GLRA1: variants seen among roughly 807,000 people sequenced by gnomAD.
GLRA1 encodes glycine receptor subunit alpha-1.
A neutral mutation model predicts 48.3 loss-of-function variants in GLRA1; 37 were observed. The observed-to-expected ratio is 0.77, with a 90% CI of 0.59 to 1.01. The LOEUF (loss-of-function observed/expected upper bound fraction) is 1.01, where lower values mean the gene tolerates loss of function less well. GLRA1 is among the 50% of genes least tolerant of loss of function. GLRA1 has a pLI of 0.00. For missense variants in GLRA1, 427 were observed against 571.0 expected, an observed-to-expected ratio of 0.75 and a Z score of 2.57; for synonymous variants, 196 against 210.7, an observed-to-expected ratio of 0.93 and a Z score of 0.60.
At chr5:151,859,592 A>G (rs1481036156) in intron 4 of GLRA1, among the ~76,000 whole-genome samples, 193 bp downstream of exon 4, 1 of 152,214 alleles carries the variant, frequency 6.6e-6, no homozygotes, top group Non-Finnish European at 1.5e-5. Flanking sequence ...GCTCCTGAAT[A>G]AAATGCCCCA....
intron 8 of GLRA1, among the ~76,000 whole-genome samples, chr5:151,827,029 G>GTTTTTTTTTTTTTTTTTT (rs199505206): frequency 1.0e-4 from 13 of 126,768 alleles, no homozygotes; most frequent in African/African-American, 3.5e-4. Flanking sequence ...CTTTCTTTCT[G>GTTTTTTTTTTTTTTTTTT]TTTTTTTTTT....
chr5:151,857,495 A>C (rs140845826), intron 4 of GLRA1, among the ~76,000 whole-genome samples: 163 of 152,234 alleles, frequency 1.1e-3, no homozygotes, highest in Admixed American at 2.2e-3. Context: ...AGCAGCACCC[A>C]TGTGCACCTG....
At chr5:151,886,875 G>T in intron 2 of GLRA1, 87 bp from the exon 3 acceptor site, 2 of 960,714 alleles carry the variant, frequency 2.1e-6, no homozygotes, top group Non-Finnish European at 1.7e-6. Context: ...CTGACTTCTG[G>T]AATGGATCGC....
At position 151,924,559 on chromosome 5, in the gene GLRA1, C is replaced by A. The variant is rs779413449; in HGVS notation, c.-10G>T. 1.3e-6 allele frequency: 2 copies of A among 1,585,790 alleles called. No homozygotes were observed. The highest frequency in any genetic ancestry group is 1.7e-6 in the Non-Finnish European group (2 of 1,154,182). On this transcript the variant is annotated 5_prime_UTR_variant, in exon 1 of 9. Coordinates refer to ENST00000274576, the MANE Select transcript of GLRA1 (RefSeq NM_000171.4). ...TATTGAAGCTGTACATTTTTCAGGT[C>A]CTTGTGCTTTGTAGTCCACGAGTTA...
intron 3 of GLRA1, among the ~76,000 whole-genome samples, chr5:151,868,737 C>T (rs781033615): frequency 6.6e-6 from 1 of 152,152 alleles, no homozygotes; most frequent in Non-Finnish European, 1.5e-5. Context: ...AGCTTCTGCC[C>T]TAGATTTAGC....
At chr5:151,873,671 A>G (rs1303040596) in intron 3 of GLRA1, among the ~76,000 whole-genome samples, 3 of 151,958 alleles carry the variant, frequency 2.0e-5, no homozygotes, top group African/African-American at 7.3e-5. Context: ...GTCTCAAAAA[A>G]AAAAAAAAAA....
intron 3 of GLRA1, among the ~76,000 whole-genome samples, chr5:151,863,904 T>C (rs975707239): frequency 1.3e-5 from 2 of 152,130 alleles, no homozygotes; most frequent in Admixed American, 6.5e-5. Context: ...TTTTATAGGA[T>C]TGTTCTATAA....
intron 1 of GLRA1, among the ~76,000 whole-genome samples, chr5:151,910,457 C>T (rs1362922291): frequency 2.0e-5 from 3 of 152,112 alleles, no homozygotes; most frequent in Non-Finnish European, 4.4e-5. Flanking sequence ...AATTTTTCCC[C>T]ATAAGAGAAC....
intron 3 of GLRA1, among the ~76,000 whole-genome samples, chr5:151,876,957 CTT>C (rs1248677200): frequency 5.3e-5 from 8 of 152,106 alleles, no homozygotes; most frequent in Admixed American, 5.2e-4. Flanking sequence ...CTCTGTCTCT[CTT>C]TGCACAGAGA....
chr5:151,899,260 G>C lies in GLRA1; in HGVS notation c.57-6822C>G, dbSNP rs545345030. On this transcript the variant is annotated intron_variant, in intron 1 of 8. Coordinates refer to ENST00000274576, the MANE Select transcript of GLRA1 (RefSeq NM_000171.4). ...TAGGTGGCAAAATTGGACTGCTATG[G>C]TGGCTCAGTGGTGGAAGGCAGTATT... Among the ~76,000 whole-genome samples the C allele has an allele frequency of 3.3e-5, 5 of 152,322 alleles. No homozygotes were observed. The South Asian group carries it at 6.2e-4, about 19-fold the overall frequency.
At chr5:151,843,686 C>T (rs1056074541) in intron 7 of GLRA1, among the ~76,000 whole-genome samples, 3 of 152,180 alleles carry the variant, frequency 2.0e-5, no homozygotes, top group Non-Finnish European at 2.9e-5. Flanking sequence ...TCCAAAGCTA[C>T]AGTAATCAAA....
rs1554081981 is a variant in GLRA1 at position 151,822,981 on chromosome 5, T to C, written c.1060-18A>G. On this transcript the variant is annotated intron_variant, in intron 8 of 8. Transcript: ENST00000274576. ...TCATCCTCCTGGAATAGATTCAACA[T>C]GGGGCTCTACTTAAAATAAGACAGG... is the stretch of plus-strand genomic sequence containing the variant. The C allele has an allele frequency of 3.2e-6, 5 of 1,582,618 alleles. No homozygotes were observed. The highest frequency in any genetic ancestry group is 4.3e-6 in the Non-Finnish European group (5 of 1,163,572).
chr5:151,839,256 G>A (rs1282658096), intron 7 of GLRA1, among the ~76,000 whole-genome samples: 2 of 152,194 alleles, frequency 1.3e-5, no homozygotes, highest in East Asian at 3.8e-4. Context: ...CGCCCTTTAG[G>A]CTGAAATAAA....
intron 7 of GLRA1, among the ~76,000 whole-genome samples, chr5:151,849,411 C>CTTTCCTTTCA (rs1752820374): frequency 4.3e-5 from 1 of 23,404 alleles, no homozygotes; most frequent in African/African-American, 2.9e-4. Context: ...CTTTCCTTTC[C>CTTTCCTTTCA]TTTCCTTTCC....
intron 1 of GLRA1, among the ~76,000 whole-genome samples, chr5:151,900,152 G>C (rs1373386010): frequency 6.6e-6 from 1 of 152,144 alleles, no homozygotes; most frequent in African/African-American, 2.4e-5. Flanking sequence ...GGGCCACCTA[G>C]AGAAAGAAGA....
chr5:151,902,206 G>A (rs902928307), intron 1 of GLRA1, among the ~76,000 whole-genome samples: 1 of 152,078 alleles, frequency 6.6e-6, no homozygotes, highest in African/African-American at 2.4e-5. Flanking sequence ...CCAGCGCTGT[G>A]ACAACATCTC....
chr5:151,840,086 G>A (rs545010277), intron 7 of GLRA1, among the ~76,000 whole-genome samples: 1 of 146,036 alleles, frequency 6.8e-6, no homozygotes, highest in East Asian at 2.0e-4. Context: ...AAGATGACAC[G>A]CTAGAAAATA....
At chr5:151,911,150 T>G (rs1332040366) in intron 1 of GLRA1, among the ~76,000 whole-genome samples, 5 of 152,324 alleles carry the variant, frequency 3.3e-5, no homozygotes, top group Admixed American at 6.5e-5. Context: ...TCATTCAGCT[T>G]GACTGTTCTG....
At chr5:151,842,723 C>T (rs1460252001) in intron 7 of GLRA1, among the ~76,000 whole-genome samples, 1 of 152,130 alleles carries the variant, frequency 6.6e-6, no homozygotes. Context: ...TTCTATTCTT[C>T]ATTGTACTGG....
Sources: gnomAD v4.1 joint callset for allele counts (sites outside exome capture counted in the v4.1 genomes callset) on GRCh38, gnomAD v4.1.1 for gene constraint, MANE v1.5 for transcripts, NCBI Gene and HGNC (gene_info 2026-07-23, HGNC 2026-07-21) for gene names.